The following EPHA6 variants were observed in gnomAD, a reference collection of about 807,000 sequenced individuals.
EPHA6 encodes EPH receptor A6, also known as ephrin type-A receptor 6.
EPHA6 carries 50 observed loss-of-function variants against 112.0 expected under a neutral mutation model. The ratio of observed to expected loss-of-function variants is 0.45; its 90% CI spans 0.36 to 0.56. The LOEUF (loss-of-function observed/expected upper bound fraction) is 0.56. EPHA6 is among the 20% of genes least tolerant of loss of function. EPHA6 has a pLI of 0.00. For missense variants in EPHA6, 1,280 were observed against 1,417.4 expected, an observed-to-expected ratio of 0.90 and a Z score of 1.56; for synonymous variants, 529 against 490.7, an observed-to-expected ratio of 1.08 and a Z score of -1.03.
intron 5 of EPHA6, among the ~76,000 whole-genome samples, chr3:97,333,355 G>GT (rs1240096577): frequency 2.7e-5 from 4 of 150,896 alleles, no homozygotes; most frequent in African/African-American, 9.7e-5. Context: ...CATTTTAGGG[G>GT]TTTATTTTTG....
chr3:97,212,166 C>T (rs2077894570), intron 3 of EPHA6, among the ~76,000 whole-genome samples: 2 of 152,052 alleles, frequency 1.3e-5, no homozygotes. Flanking sequence ...GAATAAGAAT[C>T]TCTGACTAGG....
At chr3:97,225,046 C>T (rs2078313268) in intron 3 of EPHA6, among the ~76,000 whole-genome samples, 1 of 152,148 alleles carries the variant, frequency 6.6e-6, no homozygotes, top group South Asian at 2.1e-4. Context: ...AGCTCCGCCT[C>T]CCGGGTTCAC....
intron 3 of EPHA6, among the ~76,000 whole-genome samples, chr3:97,076,224 C>T (rs937085141): frequency 2.0e-5 from 3 of 152,062 alleles, no homozygotes; most frequent in Non-Finnish European, 4.4e-5. Context: ...ATTGTGGGTG[C>T]AGAAGTAAAG....
Position 97,757,629 on chromosome 3 carries a change from A to G in EPHA6, c.*8928A>G, listed in dbSNP as rs1222683714. ...ATATATAAAGATGCATAAAAAAGGAACTTACTTGATACCGTCTTTTAGCAT... is the reference window on the plus strand; with the variant it reads ...ATATATAAAGATGCATAAAAAAGGAGCTTACTTGATACCGTCTTTTAGCAT... On this transcript the variant is annotated 3_prime_UTR_variant, in exon 18 of 18. Transcript: ENST00000389672. Among the ~76,000 whole-genome samples, 1 of 151,758 alleles carries G rather than the reference A, an allele frequency of 6.6e-6. No individual in the cohort carries two copies. The highest frequency in any genetic ancestry group is 1.9e-4 in the East Asian group (1 of 5,188).
chr3:97,203,540 T>C (rs1159612978), intron 3 of EPHA6, among the ~76,000 whole-genome samples: 3 of 151,878 alleles, frequency 2.0e-5, no homozygotes, highest in Non-Finnish European at 4.4e-5. Context: ...CAGATTATAA[T>C]ACATAAAGGA....
At chr3:97,566,564 G>T (rs749580659) in intron 11 of EPHA6, among the ~76,000 whole-genome samples, 1 of 152,136 alleles carries the variant, frequency 6.6e-6, no homozygotes, top group Non-Finnish European at 1.5e-5. Flanking sequence ...TTATTATCCA[G>T]GTTTATTTAC....
At chr3:97,335,144 G>A (rs1471757136) in intron 5 of EPHA6, among the ~76,000 whole-genome samples, 1 of 152,138 alleles carries the variant, frequency 6.6e-6, no homozygotes, top group African/African-American at 2.4e-5. Flanking sequence ...TCTCCAGAAG[G>A]TCATTAGGCT....
chr3:97,284,645 T>A (rs1380742176), intron 5 of EPHA6, among the ~76,000 whole-genome samples: 2 of 152,176 alleles, frequency 1.3e-5, no homozygotes, highest in East Asian at 3.9e-4. Flanking sequence ...AGTTCAGCAC[T>A]ATGGAGTAGA....
chr3:97,735,161 G>A (rs1424335761), intron 15 of EPHA6, among the ~76,000 whole-genome samples: 2 of 151,928 alleles, frequency 1.3e-5, no homozygotes, highest in African/African-American at 4.8e-5. Context: ...CATTCTAGTA[G>A]CTGTATTTCA....
At chr3:97,494,283 G>A (rs28576074) in intron 10 of EPHA6, among the ~76,000 whole-genome samples, 10,392 of 152,056 alleles carry the variant, frequency 0.068, 1,116 homozygotes, top group African/African-American at 0.23. Flanking sequence ...AGTTATTTCC[G>A]CCTTTTATAA....
chr3:97,242,337 T>G (rs1381399031), intron 4 of EPHA6, among the ~76,000 whole-genome samples: 1 of 151,854 alleles, frequency 6.6e-6, no homozygotes, highest in Non-Finnish European at 1.5e-5. Context: ...TATTTCAAGA[T>G]CTTTCTGAAC....
intron 14 of EPHA6, among the ~76,000 whole-genome samples, chr3:97,679,792 A>G (rs1012585557): frequency 7.2e-5 from 11 of 152,186 alleles, no homozygotes; most frequent in African/African-American, 2.4e-4. Context: ...TTGAATTTAA[A>G]TTGTTCAGTA....
At chr3:97,479,981 A>G (rs569965175) in intron 9 of EPHA6, among the ~76,000 whole-genome samples, 1 of 152,308 alleles carries the variant, frequency 6.6e-6, no homozygotes, top group East Asian at 1.9e-4. Context: ...TCAGCAAGAC[A>G]GTTTTTCTAT....
At chr3:97,425,278 G>C (rs1301859033) in intron 6 of EPHA6, among the ~76,000 whole-genome samples, 1 of 152,230 alleles carries the variant, frequency 6.6e-6, no homozygotes, top group Admixed American at 6.5e-5. Flanking sequence ...TGCCCTAGCA[G>C]AGGTTCTTCA....
chr3:97,084,919 G>A (rs1172210992), intron 3 of EPHA6, among the ~76,000 whole-genome samples: 1 of 152,026 alleles, frequency 6.6e-6, no homozygotes, highest in Non-Finnish European at 1.5e-5. Flanking sequence ...AAATACTTGT[G>A]AGTCAAGAAT....
intron 2 of EPHA6, among the ~76,000 whole-genome samples, chr3:96,915,911 T>C (rs1300995311): frequency 6.6e-6 from 1 of 152,134 alleles, no homozygotes; most frequent in East Asian, 1.9e-4. Context: ...TAACCATCAT[T>C]GAATGTGTCG....
At chr3:96,906,514 A>G (rs1216969310) in intron 2 of EPHA6, among the ~76,000 whole-genome samples, 1 of 152,076 alleles carries the variant, frequency 6.6e-6, no homozygotes, top group Non-Finnish European at 1.5e-5. Context: ...AAGTGAACTC[A>G]TTGTATTACA....
intron 10 of EPHA6, among the ~76,000 whole-genome samples, chr3:97,504,796 A>G (rs773208465): frequency 6.6e-6 from 1 of 152,172 alleles, no homozygotes; most frequent in African/African-American, 2.4e-5. Flanking sequence ...AGTTGAAATT[A>G]TACCCTATAG....
chr3:96,876,130 T>A (rs1001439919), intron 2 of EPHA6, among the ~76,000 whole-genome samples: 22 of 132,954 alleles, frequency 1.7e-4, no homozygotes, highest in South Asian at 8.7e-4. Context: ...ATAAAATACA[T>A]ATATTTTTTT....
Sources: allele counts gnomAD v4.1 joint callset (sites outside exome capture counted in the v4.1 genomes callset), GRCh38; gene constraint gnomAD v4.1.1; transcripts MANE v1.5; gene names NCBI Gene and HGNC (gene_info 2026-07-23, HGNC 2026-07-21).